Variants in PLXNA2 observed in about 807,000 individuals in gnomAD.
PLXNA2 encodes the protein plexin-A2.
A neutral mutation model predicts 193.5 loss-of-function variants in PLXNA2; 91 were observed. The observed-to-expected ratio is 0.47, with a 90% CI of 0.40 to 0.56. PLXNA2 has a LOEUF of 0.56. PLXNA2 is among the 20% of genes least tolerant of loss of function. The probability of loss-of-function intolerance (pLI) is 0.00; values close to 1 mark genes in which losing one functional copy is unlikely to be tolerated. For missense variants in PLXNA2, 1,995 were observed against 2,503.2 expected, an observed-to-expected ratio of 0.80 and a Z score of 4.33; for synonymous variants, 997 against 1,027.3, an observed-to-expected ratio of 0.97 and a Z score of 0.56.
Position 208,244,358 on chromosome 1 carries a change from C to T in PLXNA2, c.-796G>A, listed in dbSNP as rs939848321. On this transcript the variant is annotated 5_prime_UTR_variant, in exon 1 of 32. Transcript: ENST00000367033. ...GCGGAGGAGCCCTGAGCGCCGGCCT[C>T]CCTATTTCACCATGCAGCTCATTAT... The T allele has an allele frequency of 2.1e-5, 4 of 194,368 alleles. 1 individual carries two copies. Among genetic ancestry groups the T allele is most frequent in the African/African-American group, 4.8e-5 (2 of 41,828 alleles). 12.0% of individuals were successfully genotyped at this position (194,368 alleles called of 1,614,324 possible).
At position 208,103,136 on chromosome 1, in the gene PLXNA2, C is replaced by G. The variant is rs778485154; in HGVS notation, c.1607+11G>C. On this transcript the variant is annotated intron_variant, in intron 5 of 31. Transcript: ENST00000367033. Reference sequence around the variant, plus strand: ...CATGCCAAACCCTTTTCCAGTATACCCCAAACTTACATGTTGTGCAGGGCA... The same window carrying G: ...CATGCCAAACCCTTTTCCAGTATACGCCAAACTTACATGTTGTGCAGGGCA... 2.5e-6 allele frequency: 4 copies of G among 1,606,126 alleles called. No homozygotes were observed. The South Asian group carries it at 4.4e-5, about 18-fold the overall frequency.
intron 1 of PLXNA2, among the ~76,000 whole-genome samples, chr1:208,241,632 G>A (rs927873192): frequency 4.6e-5 from 7 of 152,166 alleles, no homozygotes; most frequent in African/African-American, 1.4e-4. Flanking sequence ...CCTGCACATC[G>A]CTCCAAATGT....
rs796404181 is a variant in PLXNA2, at chr1:208,097,763, T to A, written c.1732-880A>T. ...TATTTGAATAGGTAAGAAAGGCGAC[T>A]GGTTTCCTCTGCCCATGAGGTGTGC... On this transcript the variant is annotated intron_variant, in intron 6 of 31. Coordinates refer to ENST00000367033, the MANE Select transcript of PLXNA2 (RefSeq NM_025179.4). 1.7e-4 allele frequency among the ~76,000 whole-genome samples: 26 copies of A among 152,184 alleles called. 1 individual carries two copies. Among genetic ancestry groups the A allele is most frequent in the African/African-American group, 6.0e-4 (25 of 41,530 alleles).
At chr1:208,066,694 G>A (rs1367899740) in intron 12 of PLXNA2, among the ~76,000 whole-genome samples, 2 of 152,076 alleles carry the variant, frequency 1.3e-5, no homozygotes, top group African/African-American at 4.8e-5. Context: ...AACAGCCTCA[G>A]GGAGGACCTT....
At chr1:208,118,556 C>T (rs148335203) in intron 4 of PLXNA2, among the ~76,000 whole-genome samples, 5 of 152,242 alleles carry the variant, frequency 3.3e-5, no homozygotes, top group South Asian at 2.1e-4. Flanking sequence ...GGGCAATCAA[C>T]GGGGATTAGC....
chr1:208,062,631 C>T (rs1665654078), intron 12 of PLXNA2, among the ~76,000 whole-genome samples: 1 of 152,066 alleles, frequency 6.6e-6, no homozygotes, highest in Non-Finnish European at 1.5e-5. Context: ...GCTCTGACTC[C>T]CTTGTCTGAA....
At chr1:208,104,444 C>T (rs961269518) in intron 4 of PLXNA2, among the ~76,000 whole-genome samples, 3 of 152,142 alleles carry the variant, frequency 2.0e-5, no homozygotes, top group Middle Eastern at 3.2e-3. Context: ...AATGACAAAC[C>T]GAGACTTGCT....
At chr1:208,081,486 A>AG (rs923900610) in intron 11 of PLXNA2, among the ~76,000 whole-genome samples, 2 of 152,134 alleles carry the variant, frequency 1.3e-5, no homozygotes, top group Non-Finnish European at 2.9e-5. Context: ...AATATATTCC[A>AG]GGGGGGAAGG....
At chr1:208,057,771 G>T (rs915345910) in intron 13 of PLXNA2, among the ~76,000 whole-genome samples, 4 of 152,182 alleles carry the variant, frequency 2.6e-5, no homozygotes, top group African/African-American at 9.6e-5. Flanking sequence ...TTTGACATCT[G>T]AAGACCTGAC....
chr1:208,055,177 A>T (rs1052408779), intron 13 of PLXNA2, among the ~76,000 whole-genome samples: 1 of 152,150 alleles, frequency 6.6e-6, no homozygotes, highest in Non-Finnish European at 1.5e-5. Flanking sequence ...CTCTCACTTC[A>T]TCAAGGGCTG....
intron 3 of PLXNA2, among the ~76,000 whole-genome samples, chr1:208,162,167 T>C (rs1419924718): frequency 6.6e-6 from 1 of 152,158 alleles, no homozygotes; most frequent in African/African-American, 2.4e-5. Context: ...CCTGCCTCAT[T>C]AGGAAAGGCC....
intron 3 of PLXNA2, among the ~76,000 whole-genome samples, chr1:208,149,608 C>A (rs1284536486): frequency 6.6e-6 from 1 of 151,330 alleles, no homozygotes; most frequent in African/African-American, 2.4e-5. Flanking sequence ...TGTGTTCAGA[C>A]CTTTAAGGAG....
intron 10 of PLXNA2, among the ~76,000 whole-genome samples, chr1:208,083,576 C>T (rs1666416533): frequency 6.6e-6 from 1 of 152,052 alleles, no homozygotes; most frequent in Non-Finnish European, 1.5e-5. Context: ...TCTGACAGCT[C>T]CCTGATAAGA....
intron 3 of PLXNA2, among the ~76,000 whole-genome samples, chr1:208,170,676 C>T (rs1048463494): frequency 2.0e-5 from 3 of 152,170 alleles, no homozygotes; most frequent in African/African-American, 7.2e-5. Context: ...GTTATTCTGG[C>T]CTTTGAAGTA....
chr1:208,217,500 C>A lies in PLXNA2; in HGVS notation c.423G>T (p.Arg141=), dbSNP rs781282711. Residue 141 remains arginine (R), a synonymous_variant, in exon 2 of 32, where the codon CGG becomes CGT. Coordinates refer to ENST00000367033, the MANE Select transcript of PLXNA2 (RefSeq NM_025179.4). The surrounding 1 kb of genome is among the most constrained non-coding windows in gnomAD (Gnocchi z 4.7). ...SLYQGVCKLL[R]LDDLFILVEP... ...CCACCAGGATGAAGAGGTCATCCAG[C>A]CGCAGCAGCTTGCAGACCCCCTGGT... 6.2e-7 allele frequency: 1 copy of A among 1,614,218 alleles called. No individual in the cohort carries two copies. The highest frequency in any genetic ancestry group is 2.2e-5 in the East Asian group (1 of 44,880).
chr1:208,224,132 A>C (rs1006813481), intron 1 of PLXNA2, among the ~76,000 whole-genome samples: 1 of 152,234 alleles, frequency 6.6e-6, no homozygotes, highest in African/African-American at 2.4e-5. Context: ...GGGTAGCACA[A>C]GGTGAGCAAG....
At chr1:208,069,843 T>C (rs753086758) in intron 12 of PLXNA2, among the ~76,000 whole-genome samples, 6 of 152,228 alleles carry the variant, frequency 3.9e-5, no homozygotes, top group Non-Finnish European at 5.9e-5. Flanking sequence ...CTGAGAATGA[T>C]GGCTGCTGCT....
chr1:208,031,795 G>T (rs745738735), intron 28 of PLXNA2, 36 bp from the exon 29 acceptor site: 4 of 1,503,194 alleles, frequency 2.7e-6, no homozygotes, highest in East Asian at 4.6e-5. Flanking sequence ...GATGGAGGGG[G>T]GTGACGGCAG....
At position 208,074,044 on chromosome 1, in the gene PLXNA2, C is replaced by T. The variant is rs573158327; in HGVS notation, c.2586+5216G>A. Among the ~76,000 whole-genome samples, 8 of 152,368 alleles carry T rather than the reference C, an allele frequency of 5.3e-5. No individual in the cohort carries two copies. In the East Asian group the frequency reaches 1.2e-3, roughly 22 times the overall value. The stretch of plus-strand genomic sequence containing the variant: ...TCTTTGCTAGGGCAGCCCTAGGAAA[C>T]TGATACACTCGCTTGGAGTGAAGAA... On this transcript the variant is annotated intron_variant, in intron 12 of 31. Coordinates refer to ENST00000367033, the MANE Select transcript of PLXNA2 (RefSeq NM_025179.4).
Sources: gnomAD v4.1 joint callset for allele counts (sites outside exome capture counted in the v4.1 genomes callset) on GRCh38, gnomAD v4.1.1 for gene constraint, Gnocchi (gnomAD v3.1) non-coding constraint, MANE v1.5 for transcripts, NCBI Gene and HGNC (gene_info 2026-07-23, HGNC 2026-07-21) for gene names.